RAPGEF2: variants seen among roughly 807,000 people sequenced by gnomAD.
RAPGEF2 encodes Rap guanine nucleotide exchange factor 2.
RAPGEF2 carries 54 observed loss-of-function variants against 186.7 expected under a neutral mutation model. The ratio of observed to expected loss-of-function variants is 0.29; its 90% CI spans 0.23 to 0.36. The LOEUF (loss-of-function observed/expected upper bound fraction) is 0.36. Among genes scored for constraint, RAPGEF2 ranks in the 10% least tolerant of loss-of-function variants. The pLI, the probability that RAPGEF2 is intolerant of heterozygous loss-of-function variation, is 1.00. For synonymous variants in RAPGEF2, 712 were observed against 705.9 expected, an observed-to-expected ratio of 1.01 and a Z score of -0.14; for missense variants, 1,532 against 2,045.0, an observed-to-expected ratio of 0.75 and a Z score of 4.84.
At position 159,282,406 on chromosome 4, in the gene RAPGEF2, A is replaced by T. The variant is rs1330882626; in HGVS notation, c.544-21936A>T. The T allele has an allele frequency of 2.1e-5, 4 of 187,144 alleles. No individual in the cohort carries two copies. In the South Asian group the frequency reaches 3.8e-4, roughly 18 times the overall value. 11.6% of individuals were successfully genotyped at this position (187,144 alleles called of 1,614,324 possible). On this transcript the variant is annotated intron_variant, in intron 7 of 29. Coordinates refer to ENST00000691494, the MANE Select transcript of RAPGEF2 (RefSeq NM_001394067.2). ...GTACTTCAATTTTTTCCCACTTATT[A>T]AGTGATTTTGTGCAAGTCGAGCTGC...
At chr4:159,205,110 A>G (rs1342788839) in intron 3 of RAPGEF2, among the ~76,000 whole-genome samples, 1 of 152,088 alleles carries the variant, frequency 6.6e-6, no homozygotes, top group Non-Finnish European at 1.5e-5. Flanking sequence ...TTTTCCTGCC[A>G]TTTGTTCCTC....
chr4:159,220,303 G>A (rs553934968), intron 4 of RAPGEF2, among the ~76,000 whole-genome samples: 2 of 152,182 alleles, frequency 1.3e-5, no homozygotes, highest in African/African-American at 4.8e-5. Context: ...AGTTGAGAGA[G>A]GTACAAAGGT....
chr4:159,147,992 A>G (rs1356630778), intron 1 of RAPGEF2, among the ~76,000 whole-genome samples: 1 of 152,236 alleles, frequency 6.6e-6, no homozygotes, highest in Non-Finnish European at 1.5e-5. Context: ...AGATAATCTA[A>G]AATTTCTTAT....
intron 4 of RAPGEF2, among the ~76,000 whole-genome samples, chr4:159,217,758 A>G (rs1398939983): frequency 6.6e-6 from 1 of 152,184 alleles, no homozygotes; most frequent in Non-Finnish European, 1.5e-5. Context: ...GTCTGAACTA[A>G]TTTACATTCC....
intron 1 of RAPGEF2, among the ~76,000 whole-genome samples, chr4:159,180,770 T>C (rs1746924450): frequency 6.6e-6 from 1 of 152,250 alleles, no homozygotes; most frequent in Non-Finnish European, 1.5e-5. Context: ...GTTTTATTTA[T>C]GCAGGTACAT....
intron 1 of RAPGEF2, among the ~76,000 whole-genome samples, chr4:159,105,740 C>G (rs1737798228): frequency 6.6e-6 from 1 of 152,218 alleles, no homozygotes; most frequent in Non-Finnish European, 1.5e-5. Context: ...TGAAAATGCA[C>G]ATTCCCTGTC....
At chr4:159,116,979 T>C (rs761620932) in intron 1 of RAPGEF2, among the ~76,000 whole-genome samples, 3 of 149,816 alleles carry the variant, frequency 2.0e-5, no homozygotes, top group African/African-American at 5.1e-5. Flanking sequence ...CATGGCACAC[T>C]GTTACCTATA....
intron 5 of RAPGEF2, among the ~76,000 whole-genome samples, chr4:159,239,504 T>G (rs1753697275): frequency 6.6e-6 from 1 of 152,216 alleles, no homozygotes; most frequent in East Asian, 1.9e-4. Flanking sequence ...TCTGTTGACA[T>G]CTTTTCCCTC....
rs1279273793 is a variant in RAPGEF2 at position 159,359,911 on chromosome 4, T to C, written c.*1772T>C. 1 of 152,236 alleles carries C rather than the reference T, an allele frequency of 6.6e-6. No homozygotes were observed. The allele number at this position is 152,236 out of a possible 1,614,324, so 9.4% of individuals were successfully genotyped here. On this transcript the variant is annotated 3_prime_UTR_variant, in exon 30 of 30. Transcript: ENST00000691494. Reference sequence around the variant, plus strand: ...AGAACATAGGACTGCTAATCTCAGTTCGCTCTGTGATGTCAAGTGCAGAAT... The same window carrying C: ...AGAACATAGGACTGCTAATCTCAGTCCGCTCTGTGATGTCAAGTGCAGAAT...
rs151311238 is a variant in RAPGEF2 at position 159,284,654 on chromosome 4, T to G, written c.544-19688T>G. Among the ~76,000 whole-genome samples the G allele has an allele frequency of 3.3e-5, 5 of 152,348 alleles. No individual in the cohort carries two copies. In the East Asian group the frequency reaches 9.6e-4, roughly 29 times the overall value. Reference sequence around the variant, plus strand: ...AATTAAGGTGATAAATCTTCATTTTTGGTTCAGTTCACTTCAAAATATCTC... The same window carrying G: ...AATTAAGGTGATAAATCTTCATTTTGGGTTCAGTTCACTTCAAAATATCTC... On this transcript the variant is annotated intron_variant, in intron 7 of 29. Transcript: ENST00000691494.
intron 7 of RAPGEF2, among the ~76,000 whole-genome samples, chr4:159,298,098 C>T (rs2111009493): frequency 6.6e-6 from 1 of 152,206 alleles, no homozygotes; most frequent in East Asian, 1.9e-4. Context: ...TTTTTGCAGA[C>T]CTATTCTTAT....
chr4:159,284,801 G>A (rs6813388), intron 7 of RAPGEF2, among the ~76,000 whole-genome samples: 7 of 152,002 alleles, frequency 4.6e-5, no homozygotes, highest in Non-Finnish European at 8.8e-5. Flanking sequence ...GCCTGTAATC[G>A]CAACCCTTTG....
At chr4:159,332,889 A>G (rs1766886237) in intron 17 of RAPGEF2, 192 bp downstream of exon 17, 3 of 495,806 alleles carry the variant, frequency 6.1e-6, no homozygotes, top group African/African-American at 2.0e-5. Flanking sequence ...GCTACTCCCA[A>G]TCTTCTTTAA....
chr4:159,231,654 A>G (rs1752657616), intron 4 of RAPGEF2, among the ~76,000 whole-genome samples: 4 of 152,276 alleles, frequency 2.6e-5, no homozygotes, highest in South Asian at 2.1e-4. Flanking sequence ...AAAAATTTCA[A>G]ATACAGAATG....
chr4:159,228,313 A>G (rs1039752659), intron 4 of RAPGEF2: 1 of 152,216 alleles, frequency 6.6e-6, no homozygotes, highest in African/African-American at 2.4e-5. Context: ...AGGTGACAGC[A>G]CTGTTGGTGT....
chr4:159,331,391 C>A (rs746107523), intron 13 of RAPGEF2, 40 bp from the exon 14 acceptor site: 1 of 1,263,804 alleles, frequency 7.9e-7, no homozygotes. Flanking sequence ...ACATTTTTGG[C>A]ACTAAAAAGG....
chr4:159,357,991 G>GAGCT (rs1196568251), intron 29 of RAPGEF2, 123 bp from the exon 30 acceptor site: 1 of 947,212 alleles, frequency 1.1e-6, no homozygotes, highest in Non-Finnish European at 1.5e-6. Context: ...GATTCTAAGT[G>GAGCT]AGCTATACTA....
chr4:159,266,557 C>T (rs1757451287), intron 7 of RAPGEF2, among the ~76,000 whole-genome samples: 1 of 151,880 alleles, frequency 6.6e-6, no homozygotes, highest in Admixed American at 6.6e-5. Flanking sequence ...CTCTCTACCT[C>T]TGAAGTTTGG....
chr4:159,131,484 T>C (rs1349474615), intron 1 of RAPGEF2, among the ~76,000 whole-genome samples: 1 of 151,638 alleles, frequency 6.6e-6, no homozygotes, highest in African/African-American at 2.4e-5. Flanking sequence ...AAGACTTAAA[T>C]GTATTATCTT....
Sources: gnomAD v4.1 joint callset for allele counts (sites outside exome capture counted in the v4.1 genomes callset) on GRCh38, gnomAD v4.1.1 for gene constraint, MANE v1.5 for transcripts, NCBI Gene and HGNC (gene_info 2026-07-23, HGNC 2026-07-21) for gene names.